The following ZNF329 variants were observed in gnomAD, a reference collection of about 807,000 sequenced individuals.
The protein encoded by ZNF329 is zinc finger protein 329.
A neutral mutation model predicts 26.6 loss-of-function variants in ZNF329; 15 were observed. The observed-to-expected ratio is 0.56, with a 90% confidence interval of 0.38 to 0.87. ZNF329 has a LOEUF of 0.87. Ranked by LOEUF, ZNF329 falls within the 40% of genes least tolerant of loss-of-function variation. The pLI, the probability that ZNF329 is intolerant of heterozygous loss-of-function variation, is 0.00. For missense variants in ZNF329, 651 were observed against 651.9 expected (o/e 1.00, Z 0.02); for synonymous variants, 239 against 233.5 (o/e 1.02, Z -0.21).
chr19:58,151,933 C>T (rs2075462311), upstream of ZNF329, among the ~76,000 whole-genome samples: 2 of 152,064 alleles, frequency 1.3e-5, no homozygotes, highest in Admixed American at 1.3e-4. Context: ...GGTAAAATCT[C>T]GATGATACAT....
chr19:58,136,733 G>A (rs2075078915), intron 3 of ZNF329: 1 of 150,708 alleles, frequency 6.6e-6, no homozygotes, highest in African/African-American at 2.5e-5. Context: ...AGTTACTGTG[G>A]GTCCTGAAGC....
At chr19:58,134,986 A>G (rs1376446317) in intron 3 of ZNF329, among the ~76,000 whole-genome samples, 1 of 152,248 alleles carries the variant, frequency 6.6e-6, no homozygotes, top group African/African-American at 2.4e-5. Context: ...GAGCAAAGCC[A>G]GCTAGGTTTG....
chr19:58,136,114 C>A (rs2075060263), intron 3 of ZNF329, among the ~76,000 whole-genome samples: 1 of 151,806 alleles, frequency 6.6e-6, no homozygotes, highest in Non-Finnish European at 1.5e-5. Context: ...GCCTGTACTC[C>A]CAGCTACTCG....
rs1266115756 is a variant in ZNF329 at position 58,129,263 on chromosome 19, G to A, written c.241C>T (p.Pro81Ser). ...TTTGTTGCCAGAACTCTCTGAGACG[G>A]TGGAAGGTCTGAGCTTGCAATCAAA... Reference protein sequence around the residue: ...EHLIASSDLPPSQRVLATNGF... With the variant: ...EHLIASSDLPSSQRVLATNGF... The change falls in exon 4 of 4, where the codon CCG becomes TCG. Residue 81 changes from proline (P) to serine (S), a missense_variant. Pro to Ser is a moderately conservative substitution (Grantham distance 74). Coordinates refer to ENST00000598312, the MANE Select transcript of ZNF329 (RefSeq NM_024620.4). 1 of 1,614,100 alleles carries A rather than the reference G, an allele frequency of 6.2e-7. No individual in the cohort carries two copies. The highest frequency in any genetic ancestry group is 8.5e-7 in the Non-Finnish European group (1 of 1,180,062).
At chr19:58,130,224 G>A (rs541155927) in intron 3 of ZNF329, among the ~76,000 whole-genome samples, 1 of 152,174 alleles carries the variant, frequency 6.6e-6, no homozygotes, top group African/African-American at 2.4e-5. Flanking sequence ...TCTGGAGGCT[G>A]AGGCAGGAGA....
At chr19:58,149,396 C>A (rs1325349737) in intron 1 of ZNF329, among the ~76,000 whole-genome samples, 1 of 152,118 alleles carries the variant, frequency 6.6e-6, no homozygotes, top group Admixed American at 6.6e-5. Flanking sequence ...GATATAAGAA[C>A]CCTCTGTTGG....
intron 3 of ZNF329, among the ~76,000 whole-genome samples, chr19:58,139,858 T>C (rs995535421): frequency 6.6e-6 from 1 of 152,182 alleles, no homozygotes; most frequent in African/African-American, 2.4e-5. Flanking sequence ...GTATGTTCAA[T>C]ATTTAAAAAC....
upstream of ZNF329, chr19:58,150,930 A>G (rs2075441242): frequency 6.6e-6 from 1 of 152,330 alleles, no homozygotes; most frequent in African/African-American, 2.4e-5. Context: ...GCAGGCATTT[A>G]CTTTCTCCTA....
chr19:58,128,330 T>A lies in ZNF329; in HGVS notation c.1174A>T (p.Ile392Phe). 1 of 1,614,136 alleles carries A rather than the reference T, an allele frequency of 6.2e-7. No homozygotes were observed. Among genetic ancestry groups the A allele is most frequent in the South Asian group, 1.1e-5 (1 of 91,084 alleles). The change falls in exon 4 of 4, where the codon ATC (isoleucine) becomes TTC (phenylalanine). Residue 392 changes from isoleucine to phenylalanine, a missense_variant. Physicochemically the swap from Ile to Phe is conservative, Grantham distance 21. Transcript: ENST00000598312. Reference protein sequence around the residue: ...RNSHLIVHQKIHSGEKPYECK... With the variant: ...RNSHLIVHQKFHSGEKPYECK... ...TCATAGGGTTTCTCCCCAGAATGGA[T>A]CTTTTGATGCACAATGAGGTGAGAG...
Position 58,135,045 on chromosome 19 carries a change from G to A in ZNF329, c.-8-5534C>T, listed in dbSNP as rs74683449. ...GGATAGTGGGAAATTTTATTTATCT[G>A]TTTTTTGAGGTTTTTTTTTCTGATC... On this transcript the variant is annotated intron_variant, in intron 3 of 3. Transcript: ENST00000598312. Among the ~76,000 whole-genome samples, 661 of 152,208 alleles carry A rather than the reference G, an allele frequency of 4.3e-3. 7 individuals are homozygous for A. The highest frequency in any genetic ancestry group is 0.015 in the African/African-American group (625 of 41,538).
chr19:58,147,716 T>C lies in ZNF329; in HGVS notation c.-208+3036A>G, dbSNP rs1200396197. Reference sequence around the variant, plus strand: ...GGGCGCCTCTGCCCGGCTGCCCCACTGGGAAGTGAGGAGACCCTCTGCCCG... The same window carrying C: ...GGGCGCCTCTGCCCGGCTGCCCCACCGGGAAGTGAGGAGACCCTCTGCCCG... On this transcript the variant is annotated intron_variant, in intron 1 of 3. Coordinates refer to ENST00000598312, the MANE Select transcript of ZNF329 (RefSeq NM_024620.4). Among the ~76,000 whole-genome samples the C allele has an allele frequency of 2.0e-4, 28 of 141,982 alleles. 1 individual carries two copies. Among genetic ancestry groups the C allele is most frequent in the Non-Finnish European group, 2.9e-4 (19 of 66,242 alleles). The allele number at this position is 141,982 out of a possible 152,430, so 93.1% of individuals were successfully genotyped here. A position where few individuals can be genotyped will look rare whatever the true frequency, so the allele number is the denominator to read the frequency against.
At chr19:58,152,636 T>C (rs1383085674), upstream of ZNF329, among the ~76,000 whole-genome samples, 2 of 152,092 alleles carry the variant, frequency 1.3e-5, no homozygotes, top group East Asian at 1.9e-4. Flanking sequence ...GGCAGGTGGA[T>C]CACTTGAGGT....
chr19:58,137,114 G>A (rs1429749686), intron 3 of ZNF329: 1 of 151,722 alleles, frequency 6.6e-6, no homozygotes, highest in African/African-American at 2.4e-5. Flanking sequence ...TTATGTAGTT[G>A]TACTTTTAGG....
rs1190955686 is a variant in ZNF329, at chr19:58,129,022, G to A, written c.482C>T (p.Ser161Phe). 6.2e-7 allele frequency: 1 copy of A among 1,613,848 alleles called. No homozygotes were observed. The highest frequency in any genetic ancestry group is 8.5e-7 in the Non-Finnish European group (1 of 1,179,864). Residue 161 changes from serine to phenylalanine, a missense_variant, in exon 4 of 4, where the codon TCT becomes TTT. Transcript: ENST00000598312. ...ESVKSFNHFTSLGHQKIMKRG... is the reference protein window; with the variant it reads ...ESVKSFNHFTFLGHQKIMKRG... Reference sequence around the variant, plus strand: ...TTTCATTATTTTCTGATGACCAAGAGAGGTAAAATGATTAAAAGACTTAAC... The same window carrying A: ...TTTCATTATTTTCTGATGACCAAGAAAGGTAAAATGATTAAAAGACTTAAC...
chr19:58,153,686 C>A (rs1177053897), upstream of ZNF329, among the ~76,000 whole-genome samples: 4 of 152,128 alleles, frequency 2.6e-5, no homozygotes, highest in African/African-American at 9.7e-5. Context: ...AGATAAGCAT[C>A]CCAGAAGTCA....
rs1437441607 is a variant in ZNF329, at chr19:58,127,429, G to A, written c.*449C>T. The A allele has an allele frequency of 6.5e-6, 1 of 153,484 alleles. No homozygotes were observed. The highest frequency in any genetic ancestry group is 1.9e-4 in the East Asian group (1 of 5,226). 9.5% of individuals were successfully genotyped at this position (153,484 alleles called of 1,614,324 possible). On this transcript the variant is annotated 3_prime_UTR_variant, in exon 4 of 4. Transcript: ENST00000598312. ...AGGCAGGAGAACTGCTTGAACCTGG[G>A]AGGCAGAGGTTGCTGTGAGTGGAGA...
chr19:58,143,942 G>A (rs917883155), intron 1 of ZNF329, among the ~76,000 whole-genome samples: 6 of 151,804 alleles, frequency 4.0e-5, no homozygotes, highest in African/African-American at 9.7e-5. Context: ...TTAGCCAGGC[G>A]TGGTGGCAGG....
chr19:58,141,362 G>C (rs187332033), intron 3 of ZNF329, among the ~76,000 whole-genome samples: 1 of 151,696 alleles, frequency 6.6e-6, no homozygotes, highest in Non-Finnish European at 1.5e-5. Flanking sequence ...GCAGTGGAGC[G>C]ATCTCAGCTC....
chr19:58,148,438 T>G (rs1462043355), intron 1 of ZNF329, among the ~76,000 whole-genome samples: 2 of 151,502 alleles, frequency 1.3e-5, no homozygotes, highest in Non-Finnish European at 2.9e-5. Context: ...TTTCCCTGTT[T>G]CTTCTTTTCC....
Sources: allele counts gnomAD v4.1 joint callset (sites outside exome capture counted in the v4.1 genomes callset), GRCh38; gene constraint gnomAD v4.1.1; transcripts MANE v1.5; gene names NCBI Gene and HGNC (gene_info 2026-07-23, HGNC 2026-07-21).